Variants in ZMYM1 observed in about 807,000 individuals in gnomAD.
The protein encoded by ZMYM1 is zinc finger MYM-type containing 1, also known as zinc finger MYM-type protein 1.
ZMYM1 carries 39 observed loss-of-function variants against 60.0 expected under a neutral mutation model. The ratio of observed to expected loss-of-function variants is 0.65; its 90% CI spans 0.50 to 0.85. The LOEUF is 0.85. Ranked by LOEUF, ZMYM1 falls within the 40% of genes least tolerant of loss-of-function variation. The pLI, the probability that ZMYM1 is intolerant of heterozygous loss-of-function variation, is 0.00. For synonymous variants in ZMYM1, 413 were observed against 454.0 expected, an observed-to-expected ratio of 0.91 and a Z score of 1.15; for missense variants, 1,171 against 1,309.5, an observed-to-expected ratio of 0.89 and a Z score of 1.63.
chr1:35,113,520 C>A lies in ZMYM1; in HGVS notation c.1690C>A (p.Leu564Ile), dbSNP rs1164480799. The A allele has an allele frequency of 2.5e-6, 4 of 1,609,578 alleles. No individual in the cohort carries two copies. The highest frequency in any genetic ancestry group is 1.7e-4 in the Middle Eastern group (1 of 6,034). Residue 564 changes from leucine (L) to isoleucine (I), a missense_variant, in exon 10 of 10, where the codon CTT (leucine) becomes ATT (isoleucine). Physicochemically the swap from Leu to Ile is conservative, Grantham distance 5. Coordinates refer to ENST00000359858, the MANE Select transcript of ZMYM1 (RefSeq NM_024772.5). ...GCTTATAATTGAAAATATTTTATTT[C>A]TTGGAAAGCAGTGTTTACCCTTAAG... ...LKLIIENILF[L>I]GKQCLPLRGN...
intron 1 of ZMYM1, among the ~76,000 whole-genome samples, chr1:35,090,364 A>C (rs1010367236): frequency 3.3e-5 from 5 of 152,124 alleles, no homozygotes; most frequent in African/African-American, 1.2e-4. Flanking sequence ...AAAGGAGAAA[A>C]GAAGGAACCA....
At chr1:35,117,374 C>T (rs1644259978), downstream of ZMYM1, among the ~76,000 whole-genome samples, 1 of 151,884 alleles carries the variant, frequency 6.6e-6, no homozygotes, top group Non-Finnish European at 1.5e-5. Context: ...CTGGAGTGTA[C>T]GGTGGCGTGA....
chr1:35,112,227 G>C, intron 9 of ZMYM1, 97 bp downstream of exon 9: 3 of 1,256,620 alleles, frequency 2.4e-6, no homozygotes, highest in Non-Finnish European at 3.5e-6. Context: ...ACCCAAGCTG[G>C]AGTGCAGTGG....
At chr1:35,072,280 A>G (rs1391779048) in intron 1 of ZMYM1, among the ~76,000 whole-genome samples, 1 of 152,184 alleles carries the variant, frequency 6.6e-6, no homozygotes, top group Non-Finnish European at 1.5e-5. Flanking sequence ...CTATTTCTTC[A>G]TCATATAATC....
At chr1:35,063,005 C>A (rs1371496530) in intron 1 of ZMYM1, among the ~76,000 whole-genome samples, 1 of 152,310 alleles carries the variant, frequency 6.6e-6, no homozygotes, top group Non-Finnish European at 1.5e-5. Context: ...GGTCTAGTGG[C>A]TTTCTTGGCA....
At chr1:35,118,681 T>C (rs1484435862), downstream of ZMYM1, among the ~76,000 whole-genome samples, 1 of 152,130 alleles carries the variant, frequency 6.6e-6, no homozygotes, top group Admixed American at 6.6e-5. Flanking sequence ...CACTCCAGCC[T>C]GGGCCACAGA....
chr1:35,108,149 A>G (rs1325696094), intron 6 of ZMYM1, among the ~76,000 whole-genome samples: 5 of 152,188 alleles, frequency 3.3e-5, no homozygotes, highest in Non-Finnish European at 7.4e-5. Flanking sequence ...TTATGCCACT[A>G]TTGTTGCTTA....
rs536183240 is a variant in ZMYM1, at chr1:35,098,039, T to A, written c.419+473T>A. On this transcript the variant is annotated intron_variant, in intron 4 of 9. Transcript: ENST00000359858. ...TCCTCTGATGGATTCTGTAGAAATATTTTTTTTTGCAGAAATTAATGTGAA... is the reference window on the plus strand; with the variant it reads ...TCCTCTGATGGATTCTGTAGAAATAATTTTTTTTGCAGAAATTAATGTGAA... Among the ~76,000 whole-genome samples, 34 of 151,526 alleles carry A rather than the reference T, an allele frequency of 2.2e-4. No homozygotes were observed. The East Asian group carries it at 5.8e-3, about 26-fold the overall frequency.
In ZMYM1 at chr1:35,113,462, G is replaced by A. The variant is rs755931656; in HGVS notation, c.1632G>A (p.Ser544=). 1.4e-5 allele frequency: 23 copies of A among 1,612,772 alleles called. No homozygotes were observed. The highest frequency in any genetic ancestry group is 8.9e-5 in the East Asian group (4 of 44,852). Residue 544 remains serine, a synonymous_variant, in exon 10 of 10, where the codon TCG becomes TCA. Coordinates refer to ENST00000359858, the MANE Select transcript of ZMYM1 (RefSeq NM_024772.5). ...GAVSDDLSIH[S]KQIEGNKKYL... is the part of the protein sequence containing the mutation. Reference sequence around the variant, plus strand: ...TCAGTGACGATTTATCTATTCATTCGAAACAGATTGAGGGAAATAAAAAGT... The same window carrying A: ...TCAGTGACGATTTATCTATTCATTCAAAACAGATTGAGGGAAATAAAAAGT...
rs985224238 is a variant in ZMYM1, at chr1:35,115,815, A to G, written c.*556A>G. 3 of 152,228 alleles carry G rather than the reference A, an allele frequency of 2.0e-5. No individual in the cohort carries two copies. Among genetic ancestry groups the G allele is most frequent in the Admixed American group, 6.5e-5 (1 of 15,284 alleles). The allele number at this position is 152,228 out of a possible 1,614,324, so 9.4% of individuals were successfully genotyped here. On this transcript the variant is annotated 3_prime_UTR_variant, in exon 10 of 10. Transcript: ENST00000359858. ...ATTGTGCCAGTTTACAGTCCCACCC[A>G]CAATGCATGAGAGTGCCTATTAAAT...
chr1:35,078,723 ATTT>A (rs898309609), upstream of ZMYM1, among the ~76,000 whole-genome samples: 2 of 151,452 alleles, frequency 1.3e-5, no homozygotes, highest in Non-Finnish European at 2.9e-5. Flanking sequence ...TAATTTCTGT[ATTT>A]TTAATAGAGA....
At chr1:35,098,983 G>A (rs1001271757) in intron 4 of ZMYM1, among the ~76,000 whole-genome samples, 6 of 152,096 alleles carry the variant, frequency 3.9e-5, no homozygotes, top group African/African-American at 1.4e-4. Context: ...TGCTAAAGTT[G>A]GAGCAGTATT....
In ZMYM1 at chr1:35,113,720, G is replaced by T. The variant is rs759890981; in HGVS notation, c.1890G>T (p.Leu630Phe). 1 of 1,613,714 alleles carries T rather than the reference G, an allele frequency of 6.2e-7. No individual in the cohort carries two copies. The highest frequency in any genetic ancestry group is 8.5e-7 in the Non-Finnish European group (1 of 1,179,864). ...DIIEIIKTEM[L>F]QDIVNEINDS... ...TCGAAATAATAAAGACTGAAATGTTGCAGGATATTGTGAATGAGATCAATG... is the reference window on the plus strand; with the variant it reads ...TCGAAATAATAAAGACTGAAATGTTTCAGGATATTGTGAATGAGATCAATG... Residue 630 changes from leucine to phenylalanine, a missense_variant, in exon 10 of 10, where the codon TTG (leucine) becomes TTT (phenylalanine). By Grantham distance (22) the Leu-to-Phe change is conservative. Coordinates refer to ENST00000359858, the MANE Select transcript of ZMYM1 (RefSeq NM_024772.5).
At chr1:35,087,430 TC>T (rs151135274) in intron 1 of ZMYM1, among the ~76,000 whole-genome samples, 6,642 of 52,342 alleles carry the variant, frequency 0.13, 401 homozygotes, top group East Asian at 0.41. Flanking sequence ...ACTTGCATTT[TC>T]TTTTTTTTTT....
At chr1:35,106,856 G>A (rs1209637126) in intron 6 of ZMYM1, among the ~76,000 whole-genome samples, 2 of 150,680 alleles carry the variant, frequency 1.3e-5, no homozygotes, top group Non-Finnish European at 3.0e-5. Context: ...TGTTGTTGTT[G>A]TTGTTTGTTT....
At position 35,114,770 on chromosome 1, in the gene ZMYM1, GT is replaced by G. The variant is rs753894020; in HGVS notation, c.2942del (p.Leu981TyrfsTer11). 1 of 1,597,214 alleles carries G rather than the reference GT, an allele frequency of 6.3e-7. No individual in the cohort carries two copies. The highest frequency in any genetic ancestry group is 1.1e-5 in the South Asian group (1 of 88,342). Reference sequence around the variant, plus strand: ...TAGATACTATATTACAAAATTTAAAGTTATGTTTTTCGGAGTTTGATTATTG... The same window carrying G: ...TAGATACTATATTACAAAATTTAAAGTATGTTTTTCGGAGTTTGATTATTG... ...GLDTILQNLK[L>X]CFSEFDYCKI... On this transcript the variant is annotated frameshift_variant, in exon 10 of 10. Coordinates refer to ENST00000359858, the MANE Select transcript of ZMYM1 (RefSeq NM_024772.5). LOFTEE classifies it low-confidence loss of function (END_TRUNC).
intron 4 of ZMYM1, among the ~76,000 whole-genome samples, chr1:35,100,763 G>A (rs1156600258): frequency 6.6e-6 from 1 of 151,792 alleles, no homozygotes; most frequent in East Asian, 1.9e-4. Flanking sequence ...CTGCACTAAG[G>A]TTTGATTTAT....
At chr1:35,080,469 A>T (rs1034145387) in intron 1 of ZMYM1, among the ~76,000 whole-genome samples, 1 of 151,766 alleles carries the variant, frequency 6.6e-6, no homozygotes, top group Non-Finnish European at 1.5e-5. Context: ...GGTGCTCCCC[A>T]CTACGCCCAG....
At chr1:35,063,729 C>T (rs1641917288) in intron 1 of ZMYM1, among the ~76,000 whole-genome samples, 1 of 152,208 alleles carries the variant, frequency 6.6e-6, no homozygotes, top group Non-Finnish European at 1.5e-5. Context: ...ATTTGACGAT[C>T]TCTATCACAA....
Sources: allele counts gnomAD v4.1 joint callset (sites outside exome capture counted in the v4.1 genomes callset), GRCh38; gene constraint gnomAD v4.1.1; transcripts MANE v1.5; gene names NCBI Gene and HGNC (gene_info 2026-07-23, HGNC 2026-07-21).